TPRG1: variants seen among roughly 807,000 people sequenced by gnomAD.
TPRG1 encodes the protein tumor protein p63-regulated gene 1 protein.
In TPRG1, 29 loss-of-function variants were observed where a neutral mutation model predicts 29.3. That is an observed-to-expected ratio of 0.99 (90% CI 0.74 to 1.35). The LOEUF (loss-of-function observed/expected upper bound fraction) is 1.35, where lower values mean the gene tolerates loss of function less well. Among genes scored for constraint, TPRG1 ranks in the 40% most tolerant of loss-of-function variants. TPRG1 has a pLI of 0.00. For synonymous variants in TPRG1, 130 were observed against 116.8 expected, an observed-to-expected ratio of 1.11 and a Z score of -0.73; for missense variants, 327 against 335.0, an observed-to-expected ratio of 0.98 and a Z score of 0.19.
intron 1 of TPRG1, among the ~76,000 whole-genome samples, chr3:189,182,710 C>G (rs1239119819): frequency 6.6e-6 from 1 of 152,106 alleles, no homozygotes; most frequent in African/African-American, 2.4e-5. Context: ...AAGGGAGCAA[C>G]ATGAATAATT....
chr3:189,239,042 A>ACTT, intron 4 of TPRG1, 133 bp downstream of exon 4: 2 of 698,866 alleles, frequency 2.9e-6, no homozygotes, highest in Non-Finnish European at 4.5e-6. Context: ...GAAAGTTGAA[A>ACTT]TCATTAAACT....
chr3:189,154,665 A>T (rs1477581674), intron 5 of TPRG1, among the ~76,000 whole-genome samples: 1 of 149,800 alleles, frequency 6.7e-6, no homozygotes, highest in African/African-American at 2.5e-5. Context: ...CTGCTCTCAA[A>T]CTCCTGACCT....
At chr3:189,016,463 T>G (rs1560395377) in intron 3 of TPRG1, among the ~76,000 whole-genome samples, 1 of 152,082 alleles carries the variant, frequency 6.6e-6, no homozygotes, top group Non-Finnish European at 1.5e-5. Context: ...GAGTTAATGT[T>G]GGAATCAGTT....
At chr3:189,080,357 G>A (rs1717506529) in intron 4 of TPRG1, among the ~76,000 whole-genome samples, 1 of 152,144 alleles carries the variant, frequency 6.6e-6, no homozygotes, top group Non-Finnish European at 1.5e-5. Context: ...CAGAAGCTGG[G>A]ACTATCCACA....
At chr3:189,246,758 T>C (rs1400983646) in intron 4 of TPRG1, among the ~76,000 whole-genome samples, 1 of 152,216 alleles carries the variant, frequency 6.6e-6, no homozygotes, top group African/African-American at 2.4e-5. Flanking sequence ...TCTCTAGTTA[T>C]AGAATTTGGC....
At chr3:189,103,483 G>A (rs186173309) in intron 1 of TPRG1, among the ~76,000 whole-genome samples, 4 of 151,672 alleles carry the variant, frequency 2.6e-5, no homozygotes, top group African/African-American at 9.7e-5. Context: ...CATACCCTAG[G>A]GGATCATGTT....
chr3:189,226,670 A>T (rs1737763315), intron 3 of TPRG1, among the ~76,000 whole-genome samples: 1 of 150,992 alleles, frequency 6.6e-6, no homozygotes, highest in Non-Finnish European at 1.5e-5. Flanking sequence ...TAAATAACTT[A>T]GATAAGAATA....
rs1197701062 is a variant in TPRG1, at chr3:188,997,704, AC to A, written c.-1015-3069del. Among the ~76,000 whole-genome samples, 5 of 152,314 alleles carry A rather than the reference AC, an allele frequency of 3.3e-5. No homozygotes were observed. The East Asian group carries it at 9.7e-4, about 29-fold the overall frequency. On this transcript the variant is annotated intron_variant, in intron 1 of 10. Coordinates refer to the TPRG1 transcript ENST00000433971. ...GGCCACAACCTCTCAGGTTCCTGAA[AC>A]AAAGTTTATCATATCTATAGTTCCT...
At chr3:189,019,910 T>G (rs1321620813) in intron 3 of TPRG1, among the ~76,000 whole-genome samples, 1 of 150,812 alleles carries the variant, frequency 6.6e-6, no homozygotes, top group African/African-American at 2.4e-5. Flanking sequence ...CAATTTCAGA[T>G]CCTGTTATTG....
At chr3:189,180,506 A>G (rs902847189) in intron 1 of TPRG1, among the ~76,000 whole-genome samples, 1 of 152,140 alleles carries the variant, frequency 6.6e-6, no homozygotes, top group Non-Finnish European at 1.5e-5. Flanking sequence ...CAAGAGGGCT[A>G]CAGGCCCCAT....
intron 3 of TPRG1, among the ~76,000 whole-genome samples, chr3:189,017,724 T>C (rs1041921922): frequency 1.3e-5 from 2 of 152,252 alleles, no homozygotes; most frequent in African/African-American, 4.8e-5. Flanking sequence ...GCATGATTTA[T>C]AGTCATTTGG....
chr3:189,037,591 A>G (rs1451082961), intron 4 of TPRG1, among the ~76,000 whole-genome samples: 4 of 151,850 alleles, frequency 2.6e-5, no homozygotes, highest in Non-Finnish European at 4.4e-5. Flanking sequence ...TGTCGCCACT[A>G]CTAGTTAACC....
intron 1 of TPRG1, among the ~76,000 whole-genome samples, chr3:189,201,467 CAGA>C (rs969026005): frequency 1.3e-5 from 2 of 151,954 alleles, no homozygotes; most frequent in African/African-American, 4.8e-5. Flanking sequence ...GCCAGCAGCC[CAGA>C]AGGACTTTCT....
chr3:189,124,764 A>G (rs1722256370), intron 1 of TPRG1, among the ~76,000 whole-genome samples: 1 of 152,178 alleles, frequency 6.6e-6, no homozygotes, highest in Non-Finnish European at 1.5e-5. Flanking sequence ...CCATAAAACC[A>G]AACTACTGAA....
At chr3:189,042,338 T>G (rs1714688598) in intron 4 of TPRG1, among the ~76,000 whole-genome samples, 1 of 152,158 alleles carries the variant, frequency 6.6e-6, no homozygotes, top group African/African-American at 2.4e-5. Flanking sequence ...TATCCCTCTT[T>G]GGGTCATCCT....
chr3:189,179,607 C>T (rs1352365825), intron 1 of TPRG1, among the ~76,000 whole-genome samples: 1 of 152,170 alleles, frequency 6.6e-6, no homozygotes, highest in East Asian at 1.9e-4. Flanking sequence ...GTTTGTAGAT[C>T]TGACTCTTTC....
chr3:189,070,866 A>G (rs1381421895), intron 4 of TPRG1, among the ~76,000 whole-genome samples: 1 of 152,110 alleles, frequency 6.6e-6, no homozygotes, highest in Non-Finnish European at 1.5e-5. Context: ...CTGTGTGACC[A>G]TTGTTTAAAC....
rs555585994 is a variant in TPRG1, at chr3:189,082,564, C to T, written c.-462-44493C>T. Among the ~76,000 whole-genome samples, 28 of 152,282 alleles carry T rather than the reference C, an allele frequency of 1.8e-4. No individual in the cohort carries two copies. In the Middle Eastern group the frequency reaches 0.01, roughly 55 times the overall value. On this transcript the variant is annotated intron_variant, in intron 4 of 10. Coordinates refer to the TPRG1 transcript ENST00000433971. Reference sequence around the variant, plus strand: ...TGCCTGTTAATGGAGTCCCTCACAACGGATGCCAAGTCCAAGTCAAGATTT... The same window carrying T: ...TGCCTGTTAATGGAGTCCCTCACAATGGATGCCAAGTCCAAGTCAAGATTT...
At chr3:189,252,787 T>G (rs777332103) in intron 4 of TPRG1, among the ~76,000 whole-genome samples, 1 of 152,212 alleles carries the variant, frequency 6.6e-6, no homozygotes, top group Non-Finnish European at 1.5e-5. Context: ...TGCTTTCTAA[T>G]TTTTAAAGTG....
Sources: allele counts gnomAD v4.1 joint callset (sites outside exome capture counted in the v4.1 genomes callset), GRCh38; gene constraint gnomAD v4.1.1; transcripts MANE v1.5; gene names NCBI Gene and HGNC (gene_info 2026-07-23, HGNC 2026-07-21).